Variants in DIP2A observed in about 807,000 individuals in gnomAD.
DIP2A encodes the protein DIP2 acetate--CoA ligase A, also known as disco-interacting protein 2 homolog A.
In DIP2A, 85 loss-of-function variants were observed where a neutral mutation model predicts 177.4. The observed-to-expected ratio is 0.48, with a 90% CI of 0.40 to 0.57. DIP2A has a LOEUF of 0.57. DIP2A is among the 20% of genes least tolerant of loss of function. The probability of loss-of-function intolerance (pLI) is 0.00; values close to 1 mark genes in which losing one functional copy is unlikely to be tolerated. For missense variants in DIP2A, 1,791 were observed against 2,100.2 expected (o/e 0.85, Z 2.88); for synonymous variants, 886 against 881.8 (o/e 1.00, Z -0.08).
At position 46,533,919 on chromosome 21, in the gene DIP2A, C is replaced by A. The variant is rs2059451963; in HGVS notation, c.1430-85C>A. ...CTCCTTATTCGCTCAGTAGCTAGTG[C>A]TGCATGTTGGAGGCGCAGGCTTCGA... On this transcript the variant is annotated intron_variant, in intron 11 of 37. Transcript: ENST00000417564. The A allele has an allele frequency of 4.3e-6, 5 of 1,168,688 alleles. No homozygotes were observed. The African/African-American group carries it at 7.6e-5, about 18-fold the overall frequency. The allele number at this position is 1,168,688 out of a possible 1,614,324, so 72.4% of individuals were successfully genotyped here.
chr21:46,477,571 T>TGTG lies in DIP2A; in HGVS notation c.92-7186_92-7185insGTG, dbSNP rs762054063. On this transcript the variant is annotated intron_variant, in intron 1 of 37. Coordinates refer to ENST00000417564, the MANE Select transcript of DIP2A (RefSeq NM_015151.4). ...TGTGTGTGTGTGTGTGTGTGTGTAT[T>TGTG]TCTTTTTTTTTTTTTTTCTTGAGTC... Among the ~76,000 whole-genome samples, 37 of 66,574 alleles carry TGTG rather than the reference T, an allele frequency of 5.6e-4. 1 individual carries two copies. The highest frequency in any genetic ancestry group is 1.9e-3 in the Admixed American group (14 of 7,270). The allele number at this position is 66,574 out of a possible 152,430, so 43.7% of individuals were successfully genotyped here.
At chr21:46,554,501 G>A (rs1000485257) in intron 26 of DIP2A, 74 bp from the exon 27 acceptor site, 138 of 1,578,498 alleles carry the variant, frequency 8.7e-5, no homozygotes, top group Non-Finnish European at 1.1e-4. Flanking sequence ...CTCCTCTCTC[G>A]CAGGAACAGT....
chr21:46,558,413 G>A lies in DIP2A; in HGVS notation c.3969+20G>A, dbSNP rs1192160663. 1.0e-5 allele frequency: 16 copies of A among 1,560,534 alleles called. No homozygotes were observed. Among genetic ancestry groups the A allele is most frequent in the Non-Finnish European group, 1.2e-5 (14 of 1,156,008 alleles). On this transcript the variant is annotated intron_variant, in intron 32 of 37. Transcript: ENST00000417564. ...CTCCAGGTGAGGTGCCTGGGGCTGCGGTTCTCGAAAGCTGGCTGTTGGCAG... is the reference window on the plus strand; with the variant it reads ...CTCCAGGTGAGGTGCCTGGGGCTGCAGTTCTCGAAAGCTGGCTGTTGGCAG...
the DIP2A span, among the ~76,000 whole-genome samples, chr21:46,576,198 A>G: frequency 6.6e-6 from 1 of 152,232 alleles, no homozygotes; most frequent in Non-Finnish European, 1.5e-5. Context: ...AACATGTGCC[A>G]TGGTGATTTG....
At chr21:46,555,012 A>G in intron 28 of DIP2A, 79 bp downstream of exon 28, 1 of 1,409,418 alleles carries the variant, frequency 7.1e-7, no homozygotes, top group Non-Finnish European at 9.7e-7. Flanking sequence ...GCTGCCGTCC[A>G]AAAACACACG....
chr21:46,515,687 C>A (rs1393311968), intron 8 of DIP2A, among the ~76,000 whole-genome samples: 1 of 152,044 alleles, frequency 6.6e-6, no homozygotes, highest in Non-Finnish European at 1.5e-5. Flanking sequence ...CAGGCACACA[C>A]CATCATGCTT....
At chr21:46,514,617 C>CTTTTT (rs752628688) in intron 8 of DIP2A, among the ~76,000 whole-genome samples, 23 of 70,524 alleles carry the variant, frequency 3.3e-4, no homozygotes, top group African/African-American at 7.8e-4. Flanking sequence ...AACTTTTATT[C>CTTTTT]TTTTTTTTTT....
rs2059620515 is a variant in DIP2A, at chr21:46,537,427, C to CA, written c.1708-18dup. 9 of 1,613,562 alleles carry CA rather than the reference C, an allele frequency of 5.6e-6. No individual in the cohort carries two copies. Among genetic ancestry groups the CA allele is most frequent in the Non-Finnish European group, 6.8e-6 (8 of 1,179,646 alleles). ...GTGGCTCGGGCCCACTCGCCCTAAG[C>CA]ATGTGTGCTCCCCCACAGAGCGTCA... On this transcript the variant is annotated intron_variant, in intron 14 of 37. Coordinates refer to ENST00000417564, the MANE Select transcript of DIP2A (RefSeq NM_015151.4). The surrounding 1 kb of genome is among the most constrained non-coding windows in gnomAD (Gnocchi z 4.1).
Position 46,558,325 on chromosome 21 carries a change from C to A in DIP2A, c.3901C>A (p.Leu1301Met). ...TQSFSKLFKD[L>M]GLPARAVSTT... ...GTCCTTCTCCAAGCTCTTCAAGGAC[C>A]TGGGCCTGCCGGCCCGCGCCGTAAG... The change falls in exon 32 of 38, where the codon CTG becomes ATG. Residue 1301 changes from leucine to methionine, a missense_variant. Coordinates refer to ENST00000417564, the MANE Select transcript of DIP2A (RefSeq NM_015151.4). The A allele has an allele frequency of 6.3e-7, 1 of 1,593,844 alleles. No individual in the cohort carries two copies. The highest frequency in any genetic ancestry group is 2.3e-5 in the East Asian group (1 of 43,496).
intron 32 of DIP2A, 117 bp from the exon 33 acceptor site, chr21:46,560,605 G>A (rs1274755008): frequency 9.2e-6 from 13 of 1,413,642 alleles, no homozygotes; most frequent in Non-Finnish European, 1.3e-5. Context: ...GAGCAGAGCT[G>A]CTACCTTCTT....
chr21:46,483,309 T>C (rs2056472756), intron 1 of DIP2A, among the ~76,000 whole-genome samples: 1 of 144,316 alleles, frequency 6.9e-6, no homozygotes, highest in Non-Finnish European at 1.5e-5. Flanking sequence ...AAAGAAGCTA[T>C]AAGAAAATAT....
intron 1 of DIP2A, among the ~76,000 whole-genome samples, chr21:46,460,918 T>TA (rs1237232608): frequency 6.6e-6 from 1 of 151,982 alleles, no homozygotes. Context: ...GGTCTCAAAC[T>TA]CCTGACCTCA....
chr21:46,492,674 A>C (rs1434042328), intron 3 of DIP2A, among the ~76,000 whole-genome samples: 1 of 152,124 alleles, frequency 6.6e-6, no homozygotes, highest in African/African-American at 2.4e-5. Flanking sequence ...TTATAAGAAG[A>C]GGCATTGGCC....
intron 8 of DIP2A, among the ~76,000 whole-genome samples, chr21:46,520,312 A>G (rs2058769838): frequency 6.6e-6 from 1 of 152,230 alleles, no homozygotes; most frequent in Non-Finnish European, 1.5e-5. Context: ...TTAAGCAAAA[A>G]GTCAAAACAA....
intron 18 of DIP2A, 136 bp from the exon 19 acceptor site, chr21:46,545,001 A>G: frequency 1.4e-6 from 1 of 706,526 alleles, no homozygotes; most frequent in Non-Finnish European, 2.1e-6. Flanking sequence ...CATCTGTGTC[A>G]TAAAACTCCT....
At chr21:46,496,848 A>G in intron 3 of DIP2A, 140 bp from the exon 4 acceptor site, 1 of 733,590 alleles carries the variant, frequency 1.4e-6, no homozygotes, top group Non-Finnish European at 2.0e-6. Flanking sequence ...AAAGAAATCT[A>G]GGACCAACAT....
In DIP2A at chr21:46,556,249, C is replaced by A; in HGVS notation, c.3498+158C>A. ...GATTTGTGTTAAATACCAATAAATG[C>A]TAAGATGTGATTAGCCTGAGAGTAA... On this transcript the variant is annotated intron_variant, in intron 29 of 37. Transcript: ENST00000417564. The surrounding 1 kb of genome is among the most constrained non-coding windows in gnomAD (Gnocchi z 4.5). 7.0e-7 allele frequency: 1 copy of A among 1,434,690 alleles called. No individual in the cohort carries two copies. The highest frequency in any genetic ancestry group is 9.6e-7 in the Non-Finnish European group (1 of 1,042,100). The allele number at this position is 1,434,690 out of a possible 1,614,324, so 88.9% of individuals were successfully genotyped here. A position where few individuals can be genotyped will look rare whatever the true frequency, so the allele number is the denominator to read the frequency against.
rs372959959 is a variant in DIP2A, at chr21:46,537,240, C to T, written c.1659C>T (p.Asn553=). The change falls in exon 14 of 38, where the codon AAC becomes AAT. Residue 553 remains asparagine (N), a synonymous_variant. Transcript: ENST00000417564. The surrounding 1 kb of genome is among the most constrained non-coding windows in gnomAD (Gnocchi z 4.1). ...CGYSEAETLT[N]VLDFKRDAGL... is the part of the protein sequence containing the mutation. ...CACTTGCAGCTGAAACATTAACAAACGTGCTGGATTTCAAAAGGGATGCTG... is the reference window on the plus strand; with the variant it reads ...CACTTGCAGCTGAAACATTAACAAATGTGCTGGATTTCAAAAGGGATGCTG... 38 of 1,613,988 alleles carry T rather than the reference C, an allele frequency of 2.4e-5. No homozygotes were observed. The African/African-American group carries it at 3.5e-4, about 15-fold the overall frequency.
At chr21:46,502,944 T>G (rs536629455) in intron 5 of DIP2A, among the ~76,000 whole-genome samples, 1 of 152,222 alleles carries the variant, frequency 6.6e-6, no homozygotes, top group Non-Finnish European at 1.5e-5. Flanking sequence ...CACAAAAATG[T>G]ACATTCAGAC....
Sources: allele counts gnomAD v4.1 joint callset (sites outside exome capture counted in the v4.1 genomes callset), GRCh38; gene constraint gnomAD v4.1.1; non-coding constraint Gnocchi (gnomAD v3.1); transcripts MANE v1.5; gene names NCBI Gene and HGNC (gene_info 2026-07-23, HGNC 2026-07-21).